The following PCDH7 variants were observed in gnomAD, a reference collection of about 807,000 sequenced individuals.
PCDH7 encodes the protein protocadherin-7.
Under a neutral mutation model 58.9 loss-of-function variants are expected in PCDH7, and 17 were observed. The ratio of observed to expected loss-of-function variants is 0.29; its 90% CI spans 0.20 to 0.43. The LOEUF is 0.43. Ranked by LOEUF, PCDH7 falls within the 20% of genes least tolerant of loss-of-function variation. The pLI is 1.00. For missense variants in PCDH7, 1,274 were observed against 1,441.0 expected, an observed-to-expected ratio of 0.88 and a Z score of 1.88; for synonymous variants, 664 against 616.4, an observed-to-expected ratio of 1.08 and a Z score of -1.14.
At chr4:30,914,682 T>C (rs1408048304) in intron 1 of PCDH7, among the ~76,000 whole-genome samples, 1 of 152,216 alleles carries the variant, frequency 6.6e-6, no homozygotes, top group East Asian at 1.9e-4. Flanking sequence ...ACTCTAGTTA[T>C]ATAGCTGTGG....
chr4:30,819,208 C>A (rs1049340996), intron 1 of PCDH7, among the ~76,000 whole-genome samples: 1 of 152,074 alleles, frequency 6.6e-6, no homozygotes, highest in Non-Finnish European at 1.5e-5. Context: ...TCAGTGTAAA[C>A]AGTGTCTTTT....
At chr4:30,841,978 A>G (rs1158695507) in intron 1 of PCDH7, among the ~76,000 whole-genome samples, 1 of 152,116 alleles carries the variant, frequency 6.6e-6, no homozygotes, top group Non-Finnish European at 1.5e-5. Context: ...TTTTTTAGGA[A>G]TGTTGAGTCT....
intron 1 of PCDH7, among the ~76,000 whole-genome samples, chr4:30,853,422 A>G (rs1241943243): frequency 6.6e-6 from 1 of 152,118 alleles, no homozygotes; most frequent in African/African-American, 2.4e-5. Context: ...TCTTCCTACG[A>G]TGGGCCTCTG....
intron 2 of PCDH7, among the ~76,000 whole-genome samples, chr4:30,922,901 C>A (rs1743360887): frequency 6.6e-6 from 1 of 152,122 alleles, no homozygotes; most frequent in South Asian, 2.1e-4. Context: ...TCAGACTACT[C>A]ATCTAGCCAT....
chr4:30,949,381 T>A (rs1490203917), intron 2 of PCDH7, among the ~76,000 whole-genome samples: 2 of 152,130 alleles, frequency 1.3e-5, no homozygotes, highest in Non-Finnish European at 2.9e-5. Context: ...TTGCAGAGGT[T>A]ATTAAAACAA....
chr4:30,797,989 T>C (rs372968924), intron 1 of PCDH7, among the ~76,000 whole-genome samples: 245 of 152,310 alleles, frequency 1.6e-3, no homozygotes, highest in Middle Eastern at 6.8e-3. Context: ...AGCTTCGCGT[T>C]CTTTTGTGTT....
chr4:31,065,823 G>C (rs1037825071), intron 3 of PCDH7, among the ~76,000 whole-genome samples: 4 of 151,768 alleles, frequency 2.6e-5, no homozygotes, highest in African/African-American at 9.7e-5. Flanking sequence ...GAAATCTCTT[G>C]TGTCTCTGGA....
chr4:30,918,008 T>C (rs139857403), intron 1 of PCDH7, among the ~76,000 whole-genome samples: 194 of 152,318 alleles, frequency 1.3e-3, no homozygotes, highest in African/African-American at 4.4e-3. Context: ...TGTATTCATT[T>C]TGAGTTTTCT....
chr4:31,091,262 A>G (rs577810873), intron 3 of PCDH7, among the ~76,000 whole-genome samples: 1 of 152,110 alleles, frequency 6.6e-6, no homozygotes, highest in African/African-American at 2.4e-5. Context: ...CAGATGCATA[A>G]CTTAAATTAG....
At chr4:30,851,689 A>G (rs949226090) in intron 1 of PCDH7, among the ~76,000 whole-genome samples, 3 of 152,016 alleles carry the variant, frequency 2.0e-5, no homozygotes, top group African/African-American at 7.2e-5. Context: ...CCTTCTCTTC[A>G]TCCTAAGAAA....
chr4:30,920,581 A>G (rs1430970004), intron 2 of PCDH7, among the ~76,000 whole-genome samples: 1 of 152,186 alleles, frequency 6.6e-6, no homozygotes, highest in Non-Finnish European at 1.5e-5. Flanking sequence ...ATTTTAAAAC[A>G]TCCTGTCAGA....
At chr4:31,049,594 A>C (rs6847757) in intron 3 of PCDH7, among the ~76,000 whole-genome samples, 20,046 of 152,146 alleles carry the variant, frequency 0.13, 1,594 homozygotes, top group East Asian at 0.32. Context: ...AATTAGGTTT[A>C]GGTAAAGAGA....
chr4:31,059,599 A>C (rs1340498594), intron 3 of PCDH7, among the ~76,000 whole-genome samples: 1 of 151,866 alleles, frequency 6.6e-6, no homozygotes. Flanking sequence ...ATAGTAAAAG[A>C]ATATGATTTT....
chr4:31,007,113 A>G (rs1752829034), intron 3 of PCDH7, among the ~76,000 whole-genome samples: 1 of 152,170 alleles, frequency 6.6e-6, no homozygotes, highest in Non-Finnish European at 1.5e-5. Flanking sequence ...ACAAGCACAG[A>G]AAATGGAGTC....
intron 3 of PCDH7, among the ~76,000 whole-genome samples, chr4:31,126,967 T>C (rs1718389328): frequency 6.6e-6 from 1 of 152,220 alleles, no homozygotes; most frequent in Non-Finnish European, 1.5e-5. Flanking sequence ...AACTGCAGAA[T>C]AGCCAGTGAA....
chr4:31,105,521 TC>T, intron 3 of PCDH7, among the ~76,000 whole-genome samples: 1 of 152,228 alleles, frequency 6.6e-6, no homozygotes, highest in East Asian at 1.9e-4. Context: ...AGGTGCTTGC[TC>T]TAAAGAGTCA....
chr4:30,811,317 T>C (rs945618729), intron 1 of PCDH7, among the ~76,000 whole-genome samples: 3 of 152,162 alleles, frequency 2.0e-5, no homozygotes, highest in African/African-American at 4.8e-5. Context: ...TCTAGATATA[T>C]AAAAGTAAAT....
chr4:30,889,395 T>C lies in PCDH7; in HGVS notation c.71-30758T>C, dbSNP rs150510377. 2.3e-4 allele frequency among the ~76,000 whole-genome samples: 35 copies of C among 152,160 alleles called. 2 individuals carry two copies. The East Asian group carries it at 5.6e-3, about 24-fold the overall frequency. Reference sequence around the variant, plus strand: ...ATTATAAGCTATGGCAAATTGATCGTTGTCAACATTATAACATTTTCAGAA... The same window carrying C: ...ATTATAAGCTATGGCAAATTGATCGCTGTCAACATTATAACATTTTCAGAA... On this transcript the variant is annotated intron_variant, in intron 1 of 3. Coordinates refer to the PCDH7 transcript ENST00000509759.
At chr4:30,879,200 T>A (rs1736652189) in intron 1 of PCDH7, among the ~76,000 whole-genome samples, 1 of 152,006 alleles carries the variant, frequency 6.6e-6, no homozygotes, top group Admixed American at 6.6e-5. Flanking sequence ...TCCTGCTTCC[T>A]CCATCTTCCC....
Sources: allele counts gnomAD v4.1 joint callset (sites outside exome capture counted in the v4.1 genomes callset), GRCh38; gene constraint gnomAD v4.1.1; transcripts MANE v1.5; gene names NCBI Gene and HGNC (gene_info 2026-07-23, HGNC 2026-07-21).